TAFA1: variants seen among roughly 807,000 people sequenced by gnomAD.
TAFA1 encodes TAFA chemokine like family member 1.
A neutral mutation model predicts 18.5 loss-of-function variants in TAFA1; 4 were observed. That is an observed-to-expected ratio of 0.22 (90% confidence interval 0.11 to 0.49). TAFA1 has a LOEUF of 0.49. TAFA1 is among the 20% of genes least tolerant of loss of function. TAFA1 has a pLI of 0.98. For synonymous variants in TAFA1, 56 were observed against 55.2 expected, an observed-to-expected ratio of 1.01 and a Z score of -0.06; for missense variants, 147 against 169.0, an observed-to-expected ratio of 0.87 and a Z score of 0.72.
intron 2 of TAFA1, among the ~76,000 whole-genome samples, chr3:68,330,900 T>C (rs535552525): frequency 7.4e-6 from 1 of 134,818 alleles, no homozygotes; most frequent in South Asian, 3.1e-4. Flanking sequence ...GACAGGGAAT[T>C]TCATATGTGT....
chr3:68,024,863 A>G (rs1454758983), intron 2 of TAFA1, among the ~76,000 whole-genome samples: 2 of 149,912 alleles, frequency 1.3e-5, no homozygotes, highest in Admixed American at 1.3e-4. Context: ...TTTAACAATC[A>G]TATTTCGGAA....
chr3:68,391,358 A>T (rs2070241693), intron 2 of TAFA1, among the ~76,000 whole-genome samples: 1 of 152,176 alleles, frequency 6.6e-6, no homozygotes, highest in Non-Finnish European at 1.5e-5. Context: ...GAAACATGGG[A>T]CTATGTGAAA....
chr3:68,024,301 A>C (rs1464078893), intron 2 of TAFA1, among the ~76,000 whole-genome samples: 3 of 152,136 alleles, frequency 2.0e-5, no homozygotes, highest in Admixed American at 1.3e-4. Context: ...CTTTGGAAGA[A>C]AAAAATTAAT....
chr3:68,114,459 T>A (rs2065301612), intron 2 of TAFA1, among the ~76,000 whole-genome samples: 1 of 152,200 alleles, frequency 6.6e-6, no homozygotes, highest in Non-Finnish European at 1.5e-5. Flanking sequence ...TCACAAAAGA[T>A]CATATACAGG....
At chr3:68,426,753 C>A (rs2071062753) in intron 3 of TAFA1, among the ~76,000 whole-genome samples, 1 of 151,942 alleles carries the variant, frequency 6.6e-6, no homozygotes, top group African/African-American at 2.4e-5. Flanking sequence ...ATGAGACTGG[C>A]TGTTTCGGGT....
At chr3:68,496,373 T>C (rs1430312038) in intron 3 of TAFA1, among the ~76,000 whole-genome samples, 1 of 152,146 alleles carries the variant, frequency 6.6e-6, no homozygotes, top group African/African-American at 2.4e-5. Flanking sequence ...TCGTATGAAA[T>C]CTTGCAGCTT....
intron 2 of TAFA1, among the ~76,000 whole-genome samples, chr3:68,120,209 CTTTCTTTCTTTCTTTCT>C (rs1559527588): frequency 2.6e-5 from 3 of 115,992 alleles, no homozygotes; most frequent in South Asian, 3.3e-4. Context: ...TTCTTTCTTT[CTTTCTTTCTTTCTTTCT>C]TTCTTTCTTT....
intron 2 of TAFA1, among the ~76,000 whole-genome samples, chr3:68,318,735 G>A (rs747483964): frequency 6.6e-6 from 1 of 152,150 alleles, no homozygotes; most frequent in Non-Finnish European, 1.5e-5. Flanking sequence ...ATGAAACCTA[G>A]TTCTTTCCTT....
chr3:68,282,990 A>G (rs1419376468), intron 2 of TAFA1, among the ~76,000 whole-genome samples: 2 of 152,168 alleles, frequency 1.3e-5, no homozygotes, highest in African/African-American at 2.4e-5. Flanking sequence ...AGTTTTATTC[A>G]TAATACAATA....
At chr3:68,082,505 TCAAA>T (rs1454026752) in intron 2 of TAFA1, among the ~76,000 whole-genome samples, 4 of 152,218 alleles carry the variant, frequency 2.6e-5, no homozygotes, top group Admixed American at 1.3e-4. Context: ...CTTTGTGACA[TCAAA>T]CAAATTATTA....
intron 2 of TAFA1, among the ~76,000 whole-genome samples, chr3:68,042,838 C>G (rs1705194018): frequency 6.6e-6 from 1 of 152,144 alleles, no homozygotes; most frequent in African/African-American, 2.4e-5. Flanking sequence ...TTCAAGCACA[C>G]ATTAATTTTC....
At chr3:68,200,961 A>G (rs1199968473) in intron 2 of TAFA1, among the ~76,000 whole-genome samples, 1 of 146,658 alleles carries the variant, frequency 6.8e-6, no homozygotes, top group Non-Finnish European at 1.5e-5. Flanking sequence ...TTGATTTTAG[A>G]TCTTTTAAAA....
At chr3:68,392,176 C>CAAAAAAAA (rs57440480) in intron 2 of TAFA1, among the ~76,000 whole-genome samples, 1 of 109,312 alleles carries the variant, frequency 9.1e-6, no homozygotes. Context: ...TTTAGGAAAG[C>CAAAAAAAA]AAAAAAAAAA....
At chr3:68,390,565 C>T (rs1392899459) in intron 2 of TAFA1, among the ~76,000 whole-genome samples, 1 of 152,194 alleles carries the variant, frequency 6.6e-6, no homozygotes, top group Non-Finnish European at 1.5e-5. Context: ...GATGGGGAGA[C>T]ACCTCCCAGC....
chr3:68,470,371 C>T (rs554184208), intron 3 of TAFA1, among the ~76,000 whole-genome samples: 78 of 152,112 alleles, frequency 5.1e-4, no homozygotes, highest in Middle Eastern at 3.2e-3. Context: ...TCTAAAGATA[C>T]CCCAAAATGT....
intron 2 of TAFA1, among the ~76,000 whole-genome samples, chr3:68,151,611 C>CA (rs1297536332): frequency 8.5e-5 from 13 of 152,104 alleles, no homozygotes; most frequent in African/African-American, 1.7e-4. Flanking sequence ...AAAAGGGAAC[C>CA]AAACTCACGA....
At chr3:68,312,416 G>A (rs1310049460) in intron 2 of TAFA1, among the ~76,000 whole-genome samples, 1 of 151,868 alleles carries the variant, frequency 6.6e-6, no homozygotes, top group African/African-American at 2.4e-5. Flanking sequence ...TGCCTTTAAT[G>A]GCACCCAAGT....
intron 2 of TAFA1, among the ~76,000 whole-genome samples, chr3:68,161,682 T>C (rs1012446021): frequency 2.6e-5 from 4 of 152,220 alleles, no homozygotes; most frequent in Non-Finnish European, 4.4e-5. Context: ...TAGACAAGCA[T>C]AGATCTTGAT....
intron 2 of TAFA1, among the ~76,000 whole-genome samples, chr3:68,220,614 A>G (rs899915415): frequency 2.6e-5 from 4 of 152,132 alleles, no homozygotes; most frequent in African/African-American, 9.7e-5. Flanking sequence ...ATCTTATACA[A>G]AATGATCAGT....
Sources: gnomAD v4.1 joint callset for allele counts (sites outside exome capture counted in the v4.1 genomes callset) on GRCh38, gnomAD v4.1.1 for gene constraint, MANE v1.5 for transcripts, NCBI Gene and HGNC (gene_info 2026-07-23, HGNC 2026-07-21) for gene names.